The following OLFM3 variants were observed in gnomAD, a reference collection of about 807,000 sequenced individuals.
The protein encoded by OLFM3 is noelin-3.
A neutral mutation model predicts 48.6 loss-of-function variants in OLFM3; 20 were observed. The observed-to-expected ratio is 0.41, with a 90% CI of 0.29 to 0.60. The LOEUF (loss-of-function observed/expected upper bound fraction) is 0.60, where lower values mean the gene tolerates loss of function less well. Among genes scored for constraint, OLFM3 ranks in the 20% least tolerant of loss-of-function variants. The probability of loss-of-function intolerance (pLI) is 0.28; values close to 1 mark genes in which losing one functional copy is unlikely to be tolerated. For synonymous variants in OLFM3, 222 were observed against 198.1 expected (o/e 1.12, Z -1.01); for missense variants, 437 against 544.3 (o/e 0.80, Z 1.96).
At chr1:101,855,663 A>G (rs1656384531) in intron 1 of OLFM3, among the ~76,000 whole-genome samples, 1 of 152,056 alleles carries the variant, frequency 6.6e-6, no homozygotes, top group Non-Finnish European at 1.5e-5. Flanking sequence ...CTCACCAGGG[A>G]GGCATTGACA....
Position 101,825,108 on chromosome 1 carries a change from T to G in OLFM3, c.510A>C (p.Glu170Asp), listed in dbSNP as rs1654797565. The G allele has an allele frequency of 6.2e-7, 1 of 1,613,942 alleles. No homozygotes were observed. The highest frequency in any genetic ancestry group is 2.2e-5 in the East Asian group (1 of 44,884). The part of the protein sequence containing the change: ...LSAVLTGIQE[E>D]IGAYDYEELH... ...GTTCCTCGTAGTCATAGGCACCAATTTCCTCCTGAATACCAGTGAGGACAG... is the reference window on the plus strand; with the variant it reads ...GTTCCTCGTAGTCATAGGCACCAATGTCCTCCTGAATACCAGTGAGGACAG... Residue 170 changes from glutamate to aspartate, a missense_variant, in exon 4 of 6, where the codon GAA becomes GAC. This residue lies in a region of OLFM3 where 314 missense variants were observed against 365.5 expected (regional missense o/e 0.86). Coordinates refer to ENST00000370103, the MANE Select transcript of OLFM3 (RefSeq NM_058170.4).
intron 1 of OLFM3, among the ~76,000 whole-genome samples, chr1:101,879,620 A>T (rs1488149560): frequency 1.3e-5 from 2 of 151,870 alleles, no homozygotes; most frequent in Admixed American, 1.3e-4. Context: ...AATTCACTTA[A>T]TATAAGTGGA....
At chr1:101,936,011 A>G (rs1659604316) in intron 1 of OLFM3, among the ~76,000 whole-genome samples, 2 of 152,106 alleles carry the variant, frequency 1.3e-5, no homozygotes, top group African/African-American at 4.8e-5. Flanking sequence ...CCCATAGCCA[A>G]TATCATTCTG....
At chr1:101,945,250 A>G (rs560784538) in intron 1 of OLFM3, among the ~76,000 whole-genome samples, 24 of 152,228 alleles carry the variant, frequency 1.6e-4, no homozygotes, top group Non-Finnish European at 3.2e-4. Flanking sequence ...AATGATGAAA[A>G]CAACTCAAAT....
At chr1:101,955,463 C>T (rs1660260271) in intron 1 of OLFM3, among the ~76,000 whole-genome samples, 2 of 151,944 alleles carry the variant, frequency 1.3e-5, no homozygotes, top group Admixed American at 6.6e-5. Context: ...CCCTCATAAA[C>T]ACCATATTCG....
intron 4 of OLFM3, among the ~76,000 whole-genome samples, chr1:101,818,499 A>C (rs1654444582): frequency 6.6e-6 from 1 of 152,140 alleles, no homozygotes; most frequent in Non-Finnish European, 1.5e-5. Context: ...GACTTATTTG[A>C]AGATTCAATT....
chr1:101,804,966 G>C lies in OLFM3; in HGVS notation c.700-51C>G, dbSNP rs1262804508. 1.4e-6 allele frequency: 2 copies of C among 1,398,822 alleles called. No individual in the cohort carries two copies. Among genetic ancestry groups the C allele is most frequent in the Admixed American group, 3.9e-5 (2 of 51,042 alleles). The allele number at this position is 1,398,822 out of a possible 1,614,324, so 86.7% of individuals were successfully genotyped here. A position where few individuals can be genotyped will look rare whatever the true frequency, so the allele number is the denominator to read the frequency against. Reference sequence around the variant, plus strand: ...GAGTGACTAAATTCTGTACTTTTCTGATAACCCCAAAAGAAAGACAGTGAG... The same window carrying C: ...GAGTGACTAAATTCTGTACTTTTCTCATAACCCCAAAAGAAAGACAGTGAG... On this transcript the variant is annotated intron_variant, in intron 5 of 5. Transcript: ENST00000370103. This position sits in a 1 kb window ranked among gnomAD's most constrained non-coding sequence, Gnocchi z 4.5.
At chr1:101,947,653 A>G (rs1319309106) in intron 1 of OLFM3, among the ~76,000 whole-genome samples, 4 of 152,166 alleles carry the variant, frequency 2.6e-5, no homozygotes, top group Admixed American at 6.6e-5. Context: ...GTATAGAATT[A>G]AGTTTCAATA....
chr1:101,830,626 C>T (rs2100910984), intron 3 of OLFM3, 46 bp downstream of exon 3: 1 of 1,606,766 alleles, frequency 6.2e-7, no homozygotes, highest in Admixed American at 1.7e-5. Context: ...GTCCATCCCA[C>T]TCCATGTCTG....
intron 1 of OLFM3, among the ~76,000 whole-genome samples, chr1:101,927,358 T>C (rs1659303829): frequency 6.6e-6 from 1 of 152,052 alleles, no homozygotes; most frequent in African/African-American, 2.4e-5. Context: ...AAAAAAATAA[T>C]CCATTCAAAC....
intron 1 of OLFM3, among the ~76,000 whole-genome samples, chr1:101,915,566 C>T (rs967310879): frequency 2.0e-5 from 3 of 152,030 alleles, no homozygotes; most frequent in Non-Finnish European, 4.4e-5. Flanking sequence ...AATATCTCTC[C>T]TCTCTTAGTA....
At chr1:101,812,512 C>T (rs17125483) in intron 4 of OLFM3, 5 of 985,126 alleles carry the variant, frequency 5.1e-6, no homozygotes, top group South Asian at 4.7e-5. Context: ...GTGCATAATC[C>T]GATGTTGATT....
At chr1:101,869,288 G>C (rs961310886) in intron 1 of OLFM3, among the ~76,000 whole-genome samples, 5 of 152,280 alleles carry the variant, frequency 3.3e-5, no homozygotes, top group African/African-American at 1.2e-4. Flanking sequence ...CCAAGGCTCT[G>C]GGAGCCCACC....
intron 1 of OLFM3, among the ~76,000 whole-genome samples, chr1:101,891,456 G>A (rs879895656): frequency 5.3e-5 from 8 of 151,686 alleles, no homozygotes; most frequent in Non-Finnish European, 1.0e-4. Context: ...AAAATAAAAC[G>A]TAAGCACTAG....
At chr1:101,977,716 T>C (rs1660992917) in intron 1 of OLFM3, among the ~76,000 whole-genome samples, 1 of 152,154 alleles carries the variant, frequency 6.6e-6, no homozygotes, top group African/African-American at 2.4e-5. Flanking sequence ...GCTATTTTTT[T>C]TTAATAATTG....
intron 1 of OLFM3, among the ~76,000 whole-genome samples, chr1:101,906,052 G>A (rs1359081159): frequency 2.6e-5 from 4 of 152,054 alleles, no homozygotes; most frequent in Non-Finnish European, 5.9e-5. Context: ...AATTTCGAAT[G>A]ATTTCTTTTT....
intron 1 of OLFM3, among the ~76,000 whole-genome samples, chr1:101,839,750 G>C (rs1357231576): frequency 1.3e-5 from 2 of 152,168 alleles, no homozygotes; most frequent in African/African-American, 4.8e-5. Flanking sequence ...TGGGAAAGGT[G>C]AAGAGGGTTT....
intron 1 of OLFM3, among the ~76,000 whole-genome samples, chr1:101,864,772 T>C (rs547741781): frequency 1.3e-5 from 2 of 152,324 alleles, no homozygotes; most frequent in East Asian, 3.9e-4. Context: ...TCTCAGTGGC[T>C]GTAAATCCTT....
At chr1:101,847,529 AT>A (rs11302703) in intron 1 of OLFM3, among the ~76,000 whole-genome samples, 55,587 of 150,624 alleles carry the variant, frequency 0.37, 10,570 homozygotes, top group African/African-American at 0.4. Context: ...GTAGGAGATA[AT>A]TTTTTTTTTT....
Sources: gnomAD v4.1 joint callset for allele counts (sites outside exome capture counted in the v4.1 genomes callset) on GRCh38, gnomAD v4.1.1 for gene constraint, gnomAD v4.1.1 regional missense constraint, Gnocchi (gnomAD v3.1) non-coding constraint, MANE v1.5 for transcripts, NCBI Gene and HGNC (gene_info 2026-07-23, HGNC 2026-07-21) for gene names.